KSR1: variants seen among roughly 807,000 people sequenced by gnomAD.
KSR1 encodes kinase suppressor of ras.
In KSR1, 35 loss-of-function variants were observed where a neutral mutation model predicts 92.9. The ratio of observed to expected loss-of-function variants is 0.38; its 90% confidence interval spans 0.29 to 0.50. The LOEUF is 0.50. KSR1 is among the 20% of genes least tolerant of loss of function. KSR1 has a pLI of 0.94. For missense variants in KSR1, 972 were observed against 1,158.5 expected, an observed-to-expected ratio of 0.84 and a Z score of 2.34; for synonymous variants, 467 against 472.6, an observed-to-expected ratio of 0.99 and a Z score of 0.15.
intron 18 of KSR1, among the ~76,000 whole-genome samples, chr17:27,616,197 A>G (rs2074050263): frequency 6.6e-6 from 1 of 151,938 alleles, no homozygotes. Context: ...ATTTTCTTTT[A>G]TTATTTCTTT....
intron 14 of KSR1, among the ~76,000 whole-genome samples, chr17:27,607,447 C>G (rs2073790688): frequency 6.6e-6 from 1 of 152,138 alleles, no homozygotes; most frequent in South Asian, 2.1e-4. Context: ...CCCTTTCCCT[C>G]CTTGCACACT....
Position 27,577,832 on chromosome 17 carries a change from T to C in KSR1, c.520+193T>C, listed in dbSNP as rs922107438. 4.3e-6 allele frequency: 3 copies of C among 700,198 alleles called. No homozygotes were observed. Among genetic ancestry groups the C allele is most frequent in the Non-Finnish European group, 7.8e-6 (3 of 385,028 alleles). 43.4% of individuals were successfully genotyped at this position (700,198 alleles called of 1,614,324 possible). A position where few individuals can be genotyped will look rare whatever the true frequency, so the allele number is the denominator to read the frequency against. ...CCTCAGGGCTCTGGATCCTGGTGGG[T>C]CTGGCCAGGCCGAATCTGAGGGGTT... On this transcript the variant is annotated intron_variant, in intron 3 of 20. Transcript: ENST00000644974. This position sits in a 1 kb window ranked among gnomAD's most constrained non-coding sequence, Gnocchi z 4.5.
At chr17:27,588,448 C>A in intron 5 of KSR1, 27 bp from the exon 6 acceptor site, 1 of 1,556,394 alleles carries the variant, frequency 6.4e-7, no homozygotes, top group Non-Finnish European at 8.7e-7. Context: ...GTTCCTCAGC[C>A]TGCCCATCCG....
intron 1 of KSR1, among the ~76,000 whole-genome samples, chr17:27,498,923 A>C (rs1159445893): frequency 6.6e-6 from 1 of 152,174 alleles, no homozygotes; most frequent in Non-Finnish European, 1.5e-5. Context: ...CACTGAAAGA[A>C]ATGAGTGCAG....
At chr17:27,582,616 C>A (rs773813428) in intron 3 of KSR1, 30 bp from the exon 4 acceptor site, 13 of 1,573,932 alleles carry the variant, frequency 8.3e-6, no homozygotes, top group African/African-American at 1.3e-5. Context: ...CCAGCCCTGA[C>A]CATCTGTGAC....
intron 3 of KSR1, among the ~76,000 whole-genome samples, chr17:27,580,362 A>G (rs1052897202): frequency 6.6e-6 from 1 of 152,140 alleles, no homozygotes; most frequent in Non-Finnish European, 1.5e-5. Flanking sequence ...TCGGTTCCTG[A>G]ATAGAAAGTC....
chr17:27,594,578 G>A (rs1352450991), intron 9 of KSR1, among the ~76,000 whole-genome samples: 2 of 152,152 alleles, frequency 1.3e-5, no homozygotes, highest in Non-Finnish European at 2.9e-5. Flanking sequence ...CAGTGGTGGT[G>A]CCAGAGGCCT....
chr17:27,531,515 C>T (rs747422370), intron 1 of KSR1, among the ~76,000 whole-genome samples: 10 of 151,962 alleles, frequency 6.6e-5, no homozygotes, highest in Non-Finnish European at 1.3e-4. Context: ...CACTCGGATC[C>T]GTCATGGAAG....
chr17:27,549,372 T>C (rs1028219653), intron 1 of KSR1, among the ~76,000 whole-genome samples: 1 of 152,166 alleles, frequency 6.6e-6, no homozygotes, highest in Admixed American at 6.5e-5. Context: ...GTGAGCTCGT[T>C]TCCATCTGTC....
chr17:27,542,765 T>C (rs2071013202), intron 1 of KSR1, among the ~76,000 whole-genome samples: 1 of 152,242 alleles, frequency 6.6e-6, no homozygotes, highest in African/African-American at 2.4e-5. Flanking sequence ...GTGAGCACTT[T>C]ATATGTTCTG....
At chr17:27,457,580 G>A (rs548374928) in intron 1 of KSR1, among the ~76,000 whole-genome samples, 9 of 152,302 alleles carry the variant, frequency 5.9e-5, no homozygotes, top group African/African-American at 2.2e-4. Flanking sequence ...ACTGTTTAAA[G>A]GGTTCTGATG....
intron 2 of KSR1, among the ~76,000 whole-genome samples, chr17:27,575,723 C>T (rs578234348): frequency 6.6e-6 from 1 of 152,280 alleles, no homozygotes; most frequent in Admixed American, 6.5e-5. Context: ...GAGGTTTCCT[C>T]CCTCCCTGAT....
chr17:27,614,989 G>C (rs553205510), intron 18 of KSR1, among the ~76,000 whole-genome samples: 72 of 152,334 alleles, frequency 4.7e-4, no homozygotes, highest in African/African-American at 1.7e-3. Flanking sequence ...CCACACTGCT[G>C]TATAGTTCAC....
At chr17:27,595,639 C>G (rs1229523629) in intron 9 of KSR1, among the ~76,000 whole-genome samples, 1 of 129,398 alleles carries the variant, frequency 7.7e-6, no homozygotes, top group East Asian at 2.7e-4. Flanking sequence ...CCCTTCACCC[C>G]CCTTTTCTCA....
chr17:27,472,669 G>A (rs939771882), intron 1 of KSR1, among the ~76,000 whole-genome samples: 12 of 152,202 alleles, frequency 7.9e-5, no homozygotes, highest in Admixed American at 2.6e-4. Context: ...CGGGCATGGC[G>A]GTGGGTGCCT....
chr17:27,619,589 G>A lies in KSR1; in HGVS notation c.2628-1604G>A, dbSNP rs1185324445. On this transcript the variant is annotated intron_variant, in intron 19 of 20. Coordinates refer to ENST00000644974, the MANE Select transcript of KSR1 (RefSeq NM_001394583.1). ...ATTTTTGTATTTTTAGTAGAGATGG[G>A]GTTTCACCATATTGGTCAGGCTGGT... is the stretch of plus-strand genomic sequence containing the variant. Among the ~76,000 whole-genome samples the A allele has an allele frequency of 4.0e-5, 6 of 151,672 alleles. No homozygotes were observed. The East Asian group carries it at 1.2e-3, about 29-fold the overall frequency.
intron 1 of KSR1, among the ~76,000 whole-genome samples, chr17:27,544,866 A>G (rs1288637310): frequency 2.0e-5 from 3 of 152,236 alleles, no homozygotes; most frequent in Admixed American, 2.0e-4. Context: ...TGTGACTGCA[A>G]CCAACTTTCC....
intron 2 of KSR1, among the ~76,000 whole-genome samples, chr17:27,576,614 G>A (rs2072517048): frequency 6.6e-6 from 1 of 152,158 alleles, no homozygotes; most frequent in Non-Finnish European, 1.5e-5. Flanking sequence ...GCCGGGAGTG[G>A]AGACAGTGTG....
chr17:27,480,961 A>C (rs1255028156), intron 1 of KSR1, among the ~76,000 whole-genome samples: 1 of 152,184 alleles, frequency 6.6e-6, no homozygotes, highest in East Asian at 1.9e-4. Context: ...TCTGTGATTA[A>C]GGTTTCAGTA....
Sources: gnomAD v4.1 joint callset for allele counts (sites outside exome capture counted in the v4.1 genomes callset) on GRCh38, gnomAD v4.1.1 for gene constraint, Gnocchi (gnomAD v3.1) non-coding constraint, MANE v1.5 for transcripts, NCBI Gene and HGNC (gene_info 2026-07-23, HGNC 2026-07-21) for gene names.